LMO4: variants seen among roughly 807,000 people sequenced by gnomAD.
The protein encoded by LMO4 is LIM domain transcription factor LMO4.
A neutral mutation model predicts 18.5 loss-of-function variants in LMO4; 3 were observed. The ratio of observed to expected loss-of-function variants is 0.16; its 90% confidence interval spans 0.07 to 0.42. LMO4 has a LOEUF of 0.42. Ranked by LOEUF, LMO4 falls within the 10% of genes least tolerant of loss-of-function variation. The pLI, the probability that LMO4 is intolerant of heterozygous loss-of-function variation, is 0.99. For synonymous variants in LMO4, 100 were observed against 88.1 expected, an observed-to-expected ratio of 1.14 and a Z score of -0.76; for missense variants, 121 against 219.9, an observed-to-expected ratio of 0.55 and a Z score of 2.84.
At position 87,331,913 on chromosome 1, in the gene LMO4, G is replaced by C. The variant is rs1173038609; in HGVS notation, c.-3-100G>C. On this transcript the variant is annotated intron_variant, in intron 1 of 4. Coordinates refer to ENST00000370544, the MANE Select transcript of LMO4 (RefSeq NM_006769.4). ...GCTGTTTCCTTCCAGCAGCTCCGCGGGGAGGAGGGGAATGGGCTTGCTCTC... is the reference window on the plus strand; with the variant it reads ...GCTGTTTCCTTCCAGCAGCTCCGCGCGGAGGAGGGGAATGGGCTTGCTCTC... The C allele has an allele frequency of 2.1e-6, 2 of 954,218 alleles. 1 individual carries two copies. Among genetic ancestry groups the C allele is most frequent in the African/African-American group, 3.2e-5 (2 of 62,028 alleles). 59.1% of individuals were successfully genotyped at this position (954,218 alleles called of 1,614,324 possible).
rs752942941 is a variant in LMO4 at position 87,339,533 on chromosome 1, C to T, written c.237-3C>T. ...TGGTGTCAACCGTTATTCTTTGTTTCAGGTTATTTGGAAATAGCGGTGCTT... is the reference window on the plus strand; with the variant it reads ...TGGTGTCAACCGTTATTCTTTGTTTTAGGTTATTTGGAAATAGCGGTGCTT... On this transcript the variant is annotated splice_polypyrimidine_tract_variant and splice_region_variant and intron_variant, in intron 2 of 4. Coordinates refer to ENST00000370544, the MANE Select transcript of LMO4 (RefSeq NM_006769.4). 1.2e-6 allele frequency: 2 copies of T among 1,609,564 alleles called. No individual in the cohort carries two copies. The highest frequency in any genetic ancestry group is 2.7e-5 in the African/African-American group (2 of 74,820).
At chr1:87,335,548 C>A (rs139845347) in intron 2 of LMO4, among the ~76,000 whole-genome samples, 17,063 of 151,996 alleles carry the variant, frequency 0.11, 1,116 homozygotes, top group East Asian at 0.2. Flanking sequence ...CGCCCGCAGC[C>A]GCAGTGAGCC....
chr1:87,332,299 AG>A, intron 2 of LMO4, 48 bp downstream of exon 2: 2 of 1,438,270 alleles, frequency 1.4e-6, no homozygotes, highest in Non-Finnish European at 1.9e-6. Context: ...AGCAATGGCA[AG>A]GCCAAAGGTT....
chr1:87,346,176 ACTT>A lies in LMO4; in HGVS notation c.*1384_*1386del, dbSNP rs1557617903. The A allele has an allele frequency of 6.6e-6, 1 of 152,100 alleles. No individual in the cohort carries two copies. The highest frequency in any genetic ancestry group is 1.5e-5 in the Non-Finnish European group (1 of 68,026). The allele number at this position is 152,100 out of a possible 1,614,324, so 9.4% of individuals were successfully genotyped here. ...GGTGTTTATTTTGTTTTGCTCCTAC[ACTT>A]CTTTACTGACTGCGTTTCCGTATGT... On this transcript the variant is annotated 3_prime_UTR_variant, in exon 5 of 5. Coordinates refer to ENST00000370544, the MANE Select transcript of LMO4 (RefSeq NM_006769.4).
At chr1:87,333,458 A>G (rs937697304) in intron 2 of LMO4, among the ~76,000 whole-genome samples, 1 of 152,182 alleles carries the variant, frequency 6.6e-6, no homozygotes, top group Admixed American at 6.5e-5. Flanking sequence ...TGGATGAACT[A>G]TTTTGTTCAA....
At position 87,345,738 on chromosome 1, in the gene LMO4, C is replaced by G. The variant is rs1010737526; in HGVS notation, c.*942C>G. On this transcript the variant is annotated 3_prime_UTR_variant, in exon 5 of 5. Transcript: ENST00000370544. ...AGCTCTGGGCCAGTAAGGTATTCTT[C>G]AAATTACTTAACCACGCCATTATTG... The G allele has an allele frequency of 3.9e-5, 6 of 152,138 alleles. No homozygotes were observed. The highest frequency in any genetic ancestry group is 7.4e-5 in the Non-Finnish European group (5 of 68,024). 9.4% of individuals were successfully genotyped at this position (152,138 alleles called of 1,614,324 possible). A position where few individuals can be genotyped will look rare whatever the true frequency, so the allele number is the denominator to read the frequency against.
intron 1 of LMO4, among the ~76,000 whole-genome samples, chr1:87,329,920 T>C (rs999585581): frequency 1.4e-4 from 22 of 152,200 alleles, no homozygotes; most frequent in Non-Finnish European, 1.8e-4. Context: ...CCAGTTCTGC[T>C]TTCTATTTCA....
At chr1:87,329,313 G>A (rs965201855) in intron 1 of LMO4, 69 bp downstream of exon 1, 1 of 152,488 alleles carries the variant, frequency 6.6e-6, no homozygotes, top group Non-Finnish European at 1.5e-5. Context: ...ATTCGGGCCA[G>A]GGCTGTTTTC....
chr1:87,335,871 GAAAAA>G (rs781402794), intron 2 of LMO4, among the ~76,000 whole-genome samples: 2 of 129,876 alleles, frequency 1.5e-5, no homozygotes, highest in Non-Finnish European at 3.3e-5. Flanking sequence ...CTATTAGCTA[GAAAAA>G]AAAAAAAAAC....
chr1:87,340,891 T>C (rs1346250881), intron 4 of LMO4, among the ~76,000 whole-genome samples: 7 of 152,220 alleles, frequency 4.6e-5, no homozygotes, highest in African/African-American at 1.4e-4. Context: ...AATTAAAAAT[T>C]AGGAAATTAT....
rs886633261 is a variant in LMO4 at position 87,348,492 on chromosome 1, T to C, written c.*3696T>C. On this transcript the variant is annotated 3_prime_UTR_variant, in exon 5 of 5. Transcript: ENST00000370544. Reference sequence around the variant, plus strand: ...AGTATTACTGAGCAGCCATTTTAGATTGGCAGTGCTCTGAACGCATGTTAA... The same window carrying C: ...AGTATTACTGAGCAGCCATTTTAGACTGGCAGTGCTCTGAACGCATGTTAA... 13 of 312,616 alleles carry C rather than the reference T, an allele frequency of 4.2e-5. No homozygotes were observed. Among genetic ancestry groups the C allele is most frequent in the African/African-American group, 6.5e-5 (3 of 46,352 alleles). 19.4% of individuals were successfully genotyped at this position (312,616 alleles called of 1,614,324 possible).
intron 2 of LMO4, 94 bp downstream of exon 2, chr1:87,332,345 G>A: frequency 1.1e-6 from 1 of 921,924 alleles, no homozygotes; most frequent in Non-Finnish European, 1.7e-6. Flanking sequence ...GGCGTCTACG[G>A]GGAGTATGCA....
intron 2 of LMO4, among the ~76,000 whole-genome samples, chr1:87,337,822 T>C (rs1650354701): frequency 6.6e-6 from 1 of 152,180 alleles, no homozygotes; most frequent in Non-Finnish European, 1.5e-5. Context: ...TCAGTGTTCC[T>C]GAAGTGTCCA....
chr1:87,329,721 C>G (rs1387072630), intron 1 of LMO4, among the ~76,000 whole-genome samples: 8 of 152,106 alleles, frequency 5.3e-5, no homozygotes, highest in South Asian at 2.1e-4. Context: ...TAAAAAAATT[C>G]TTCTTGGCTT....
rs780225211 is a variant in LMO4 at position 87,332,090 on chromosome 1, C to T, written c.75C>T (p.Gly25=). The part of the protein sequence containing the change: ...AGSLSWKRCA[G]CGGKIADRFL... Reference sequence around the variant, plus strand: ...CCCTCTCCTGGAAGCGGTGCGCAGGCTGCGGGGGCAAGATTGCGGACCGCT... The same window carrying T: ...CCCTCTCCTGGAAGCGGTGCGCAGGTTGCGGGGGCAAGATTGCGGACCGCT... The change falls in exon 2 of 5, where the codon GGC becomes GGT. Residue 25 remains glycine, a synonymous_variant. Coordinates refer to ENST00000370544, the MANE Select transcript of LMO4 (RefSeq NM_006769.4). The T allele has an allele frequency of 6.2e-7, 1 of 1,613,954 alleles. No individual in the cohort carries two copies. The highest frequency in any genetic ancestry group is 1.1e-5 in the South Asian group (1 of 91,088).
chr1:87,331,732 A>G (rs763239051), intron 1 of LMO4: 8 of 456,072 alleles, frequency 1.8e-5, no homozygotes, highest in South Asian at 4.2e-5. Flanking sequence ...GAGTTTTGAC[A>G]GTACCGGAGC....
intron 1 of LMO4, chr1:87,331,577 G>A (rs1197068341): frequency 1.1e-5 from 2 of 183,118 alleles, no homozygotes; most frequent in Non-Finnish European, 2.3e-5. Context: ...GGGGGCTGGG[G>A]AGGGGCCGGG....
At chr1:87,331,915 G>A (rs1570648837) in intron 1 of LMO4, 98 bp from the exon 2 acceptor site, 3 of 967,970 alleles carry the variant, frequency 3.1e-6, no homozygotes, top group Non-Finnish European at 4.7e-6. Context: ...GCTCCGCGGG[G>A]AGGAGGGGAA....
rs1198432934 is a variant in LMO4 at position 87,345,195 on chromosome 1, A to G, written c.*399A>G. 5.5e-6 allele frequency: 1 copy of G among 181,554 alleles called. No homozygotes were observed. The allele number at this position is 181,554 out of a possible 1,614,324, so 11.2% of individuals were successfully genotyped here. ...TTTGTACCCTGTGTTTTACCTTAAC[A>G]ACATTCTATTTGCTCTTTGTATATT... On this transcript the variant is annotated 3_prime_UTR_variant, in exon 5 of 5. Coordinates refer to ENST00000370544, the MANE Select transcript of LMO4 (RefSeq NM_006769.4).
Sources: allele counts gnomAD v4.1 joint callset (sites outside exome capture counted in the v4.1 genomes callset), GRCh38; gene constraint gnomAD v4.1.1; transcripts MANE v1.5; gene names NCBI Gene and HGNC (gene_info 2026-07-23, HGNC 2026-07-21).